SHC4: variants seen among roughly 807,000 people sequenced by gnomAD.
The protein encoded by SHC4 is SHC adaptor protein 4, also known as SHC-transforming protein 4.
Under a neutral mutation model 69.4 loss-of-function variants are expected in SHC4, and 41 were observed. The observed-to-expected ratio is 0.59, with a 90% CI of 0.46 to 0.77. The LOEUF (loss-of-function observed/expected upper bound fraction) is 0.77, where lower values mean the gene tolerates loss of function less well. Among genes scored for constraint, SHC4 ranks in the 30% least tolerant of loss-of-function variants. SHC4 has a pLI of 0.00. For missense variants in SHC4, 777 were observed against 783.8 expected (o/e 0.99, Z 0.10); for synonymous variants, 318 against 299.3 (o/e 1.06, Z -0.64).
intron 1 of SHC4, among the ~76,000 whole-genome samples, chr15:48,957,202 T>C (rs763072737): frequency 6.6e-6 from 1 of 152,092 alleles, no homozygotes; most frequent in East Asian, 1.9e-4. Context: ...GGTCTCGAAC[T>C]CCTGACCTCA....
intron 11 of SHC4, among the ~76,000 whole-genome samples, chr15:48,832,384 C>A (rs546526562): frequency 6.6e-6 from 1 of 152,158 alleles, no homozygotes; most frequent in East Asian, 1.9e-4. Flanking sequence ...GATAGTCTTA[C>A]GGTGGTTATG....
Position 48,825,931 on chromosome 15 carries a change from G to A in SHC4, c.*40C>T, listed in dbSNP as rs1898679129. 1.9e-6 allele frequency: 3 copies of A among 1,590,740 alleles called. No individual in the cohort carries two copies. Among genetic ancestry groups the A allele is most frequent in the Admixed American group, 1.8e-5 (1 of 54,882 alleles). ...TATCTTTGTGTCCTAATACAAAATG[G>A]GGTTTCTTGAAATATCAGTGTGATG... On this transcript the variant is annotated 3_prime_UTR_variant, in exon 12 of 12. Coordinates refer to ENST00000332408, the MANE Select transcript of SHC4 (RefSeq NM_203349.4).
chr15:48,864,436 C>CTTTTTTTTTT (rs35549079), intron 6 of SHC4, among the ~76,000 whole-genome samples: 1 of 55,008 alleles, frequency 1.8e-5, no homozygotes, highest in African/African-American at 7.0e-5. Context: ...ATACCACTTT[C>CTTTTTTTTTT]TTTTTTTTTT....
chr15:48,907,772 A>T (rs2141014962), intron 2 of SHC4, among the ~76,000 whole-genome samples: 1 of 89,320 alleles, frequency 1.1e-5, no homozygotes, highest in Middle Eastern at 3.8e-3. Context: ...GTATTCCATC[A>T]TATATATATA....
chr15:48,865,572 A>C (rs553974449), intron 6 of SHC4, among the ~76,000 whole-genome samples: 1 of 152,336 alleles, frequency 6.6e-6, no homozygotes, highest in East Asian at 1.9e-4. Flanking sequence ...TCAAGGTTTG[A>C]GGTTGTGAAA....
At chr15:48,827,487 G>C (rs927176785) in intron 11 of SHC4, among the ~76,000 whole-genome samples, 3 of 152,150 alleles carry the variant, frequency 2.0e-5, no homozygotes, top group Non-Finnish European at 2.9e-5. Context: ...CACCAAATCA[G>C]CTGACCAATC....
chr15:48,910,345 C>A (rs920098600), intron 2 of SHC4, among the ~76,000 whole-genome samples: 1 of 151,970 alleles, frequency 6.6e-6, no homozygotes, highest in East Asian at 1.9e-4. Context: ...AGTTTATGTG[C>A]GTAAAGGTGC....
At chr15:48,894,118 G>A (rs527746288) in intron 2 of SHC4, among the ~76,000 whole-genome samples, 36 of 152,184 alleles carry the variant, frequency 2.4e-4, no homozygotes, top group East Asian at 7.8e-4. Flanking sequence ...ATTGCCACTC[G>A]GACTATAGAA....
rs182595961 is a variant in SHC4 at position 48,944,369 on chromosome 15, T to A, written c.585+18062A>T. On this transcript the variant is annotated intron_variant, in intron 1 of 11. Coordinates refer to ENST00000332408, the MANE Select transcript of SHC4 (RefSeq NM_203349.4). ...AGGAGCCCAAGGAGATGTGAGAGGA[T>A]GTTATTGGGTAGGACTTCAAGGAAA... Among the ~76,000 whole-genome samples, 282 of 152,216 alleles carry A rather than the reference T, an allele frequency of 1.9e-3. 1 individual carries two copies. The highest frequency in any genetic ancestry group is 6.8e-3 in the Middle Eastern group (2 of 294).
At chr15:48,856,200 C>G (rs1899311085) in intron 7 of SHC4, 76 bp from the exon 8 acceptor site, 1 of 1,356,664 alleles carries the variant, frequency 7.4e-7, no homozygotes, top group African/African-American at 1.5e-5. Context: ...GGATCAGAAC[C>G]AAGCAAATCA....
chr15:48,930,460 C>T (rs1350687539), intron 1 of SHC4, among the ~76,000 whole-genome samples: 1 of 152,126 alleles, frequency 6.6e-6, no homozygotes, highest in Non-Finnish European at 1.5e-5. Flanking sequence ...GTTTAAGGCA[C>T]AGGCCCTGCA....
At chr15:48,950,608 G>A (rs12915940) in intron 1 of SHC4, among the ~76,000 whole-genome samples, 32,399 of 152,074 alleles carry the variant, frequency 0.21, 4,386 homozygotes, top group Non-Finnish European at 0.3. Flanking sequence ...CTTAGAAACT[G>A]CAGTGGGGAT....
At chr15:48,946,671 C>A (rs1397124002) in intron 1 of SHC4, 6 of 840,566 alleles carry the variant, frequency 7.1e-6, no homozygotes, top group Non-Finnish European at 8.6e-6. Flanking sequence ...CCTTGCTTAT[C>A]TTTCTTGCTC....
chr15:48,840,764 T>C (rs1210596636), intron 10 of SHC4, among the ~76,000 whole-genome samples: 1 of 152,160 alleles, frequency 6.6e-6, no homozygotes, highest in African/African-American at 2.4e-5. Flanking sequence ...TTGGATTTAT[T>C]TTGGAGGGAG....
intron 2 of SHC4, among the ~76,000 whole-genome samples, chr15:48,895,002 C>T (rs1900199450): frequency 3.3e-5 from 5 of 151,960 alleles, no homozygotes; most frequent in South Asian, 2.1e-4. Context: ...ACAGGGTCTC[C>T]CTATGTTGCC....
intron 5 of SHC4, among the ~76,000 whole-genome samples, chr15:48,870,589 T>C (rs1899651135): frequency 6.6e-6 from 1 of 152,112 alleles, no homozygotes; most frequent in South Asian, 2.1e-4. Context: ...TTTGAAATCC[T>C]GTAAAGGCTG....
intron 4 of SHC4, chr15:48,879,875 G>A (rs1293184902): frequency 6.0e-6 from 1 of 167,014 alleles, no homozygotes; most frequent in African/African-American, 2.4e-5. Context: ...GTGTTAACCA[G>A]TATTAAGGGA....
At position 48,899,990 on chromosome 15, in the gene SHC4, T is replaced by C. The variant is rs529487885; in HGVS notation, c.657-9179A>G. The stretch of plus-strand genomic sequence containing the variant: ...ACTCGTTGCATTGAGTAACAGGTTC[T>C]GTGCTCTATAGCTTAGACCAGATGG... On this transcript the variant is annotated intron_variant, in intron 2 of 11. Coordinates refer to ENST00000332408, the MANE Select transcript of SHC4 (RefSeq NM_203349.4). Among the ~76,000 whole-genome samples, 10 of 152,302 alleles carry C rather than the reference T, an allele frequency of 6.6e-5. No homozygotes were observed. In the East Asian group the frequency reaches 9.6e-4, roughly 15 times the overall value.
At chr15:48,903,265 T>C (rs892574458) in intron 2 of SHC4, among the ~76,000 whole-genome samples, 3 of 152,228 alleles carry the variant, frequency 2.0e-5, no homozygotes, top group African/African-American at 7.2e-5. Context: ...GGTAGAGAGA[T>C]GCACCAACTG....
Sources: gnomAD v4.1 joint callset for allele counts (sites outside exome capture counted in the v4.1 genomes callset) on GRCh38, gnomAD v4.1.1 for gene constraint, MANE v1.5 for transcripts, NCBI Gene and HGNC (gene_info 2026-07-23, HGNC 2026-07-21) for gene names.